The following HNF4G variants were observed in gnomAD, a reference collection of about 807,000 sequenced individuals.
HNF4G encodes the protein hepatocyte nuclear factor 4-gamma.
Under a neutral mutation model 50.9 loss-of-function variants are expected in HNF4G, and 21 were observed. That is an observed-to-expected ratio of 0.41 (90% confidence interval 0.29 to 0.59). The LOEUF (loss-of-function observed/expected upper bound fraction) is 0.59. Among genes scored for constraint, HNF4G ranks in the 20% least tolerant of loss-of-function variants. The pLI is 0.26. For missense variants in HNF4G, 527 were observed against 559.4 expected (o/e 0.94, Z 0.58); for synonymous variants, 198 against 185.6 (o/e 1.07, Z -0.54).
intron 1 of HNF4G, among the ~76,000 whole-genome samples, chr8:75,541,348 A>G (rs1806616378): frequency 6.6e-6 from 1 of 152,176 alleles, no homozygotes; most frequent in Non-Finnish European, 1.5e-5. Context: ...ACTTGAAGCA[A>G]GAGTTGAATT....
At chr8:75,439,000 T>C (rs1442583831) in intron 1 of HNF4G, among the ~76,000 whole-genome samples, 1 of 152,086 alleles carries the variant, frequency 6.6e-6, no homozygotes, top group African/African-American at 2.4e-5. Context: ...TGTAGTTGCA[T>C]AGTACTGCAC....
intron 5 of HNF4G, among the ~76,000 whole-genome samples, chr8:75,555,000 C>T (rs966873335): frequency 1.3e-5 from 2 of 152,140 alleles, no homozygotes; most frequent in African/African-American, 4.8e-5. Context: ...AGGGGTGTTG[C>T]AAGATGAAGT....
Position 75,473,275 on chromosome 8 carries a change from C to T in HNF4G, c.-143-16814C>T, listed in dbSNP as rs74994001. Among the ~76,000 whole-genome samples the T allele has an allele frequency of 8.5e-3, 1,281 of 150,038 alleles. 55 individuals carry two copies. The East Asian group carries it at 0.15, about 18-fold the overall frequency. On this transcript the variant is annotated intron_variant, in intron 1 of 10. Coordinates refer to the HNF4G transcript ENST00000354370. ...TCGCCCCACTGCACTCCAGCCTGGG[C>T]GACAGAGCAAGACTCCGTCTCAAAA...
chr8:75,547,534 G>A, intron 2 of HNF4G, 53 bp from the exon 3 acceptor site: 1 of 1,231,390 alleles, frequency 8.1e-7, no homozygotes. Context: ...CTGTTTATTT[G>A]CTTCTTTTGT....
chr8:75,563,513 T>C (rs1444634222), intron 9 of HNF4G, among the ~76,000 whole-genome samples: 2 of 152,094 alleles, frequency 1.3e-5, no homozygotes, highest in Non-Finnish European at 2.9e-5. Flanking sequence ...TTAACCTTAA[T>C]TTTTTATGTC....
intron 1 of HNF4G, among the ~76,000 whole-genome samples, chr8:75,473,368 T>G (rs1165940270): frequency 3.9e-5 from 6 of 152,296 alleles, no homozygotes; most frequent in African/African-American, 1.4e-4. Flanking sequence ...TAAAATATAT[T>G]TGGACCAATA....
At chr8:75,428,094 T>C (rs192372862) in intron 1 of HNF4G, among the ~76,000 whole-genome samples, 1 of 152,274 alleles carries the variant, frequency 6.6e-6, no homozygotes, top group African/African-American at 2.4e-5. Flanking sequence ...AAACTAGAGG[T>C]ATACTCATCA....
intron 2 of HNF4G, among the ~76,000 whole-genome samples, chr8:75,510,205 A>T (rs1805713371): frequency 6.6e-6 from 1 of 152,222 alleles, no homozygotes; most frequent in African/African-American, 2.4e-5. Context: ...AAAATTAGAA[A>T]TAGAAAATGT....
exon 2 of HNF4G, chr8:75,490,177 C>T (rs1812591085): frequency 6.6e-6 from 1 of 152,598 alleles, no homozygotes; most frequent in South Asian, 2.1e-4. Flanking sequence ...CTCTTCTCTA[C>T]AAATATAGAC....
rs150528697 is a variant in HNF4G at position 75,549,079 on chromosome 8, C to T, written c.382+1398C>T. Reference sequence around the variant, plus strand: ...ACAAAAGTGTAAGCAAATAACAATCCTATGTTTCCTTTATGAGTTTTACAA... The same window carrying T: ...ACAAAAGTGTAAGCAAATAACAATCTTATGTTTCCTTTATGAGTTTTACAA... On this transcript the variant is annotated intron_variant, in intron 3 of 9. Transcript: ENST00000396423. Among the ~76,000 whole-genome samples, 1,013 of 152,170 alleles carry T rather than the reference C, an allele frequency of 6.7e-3. 8 individuals are homozygous for T. Among genetic ancestry groups the T allele is most frequent in the African/African-American group, 0.022 (898 of 41,542 alleles).
chr8:75,534,933 C>T (rs967341560), upstream of HNF4G, among the ~76,000 whole-genome samples: 2 of 151,494 alleles, frequency 1.3e-5, no homozygotes, highest in East Asian at 1.9e-4. Flanking sequence ...TTCAACAAAT[C>T]GAGGACAGGA....
intron 1 of HNF4G, among the ~76,000 whole-genome samples, chr8:75,447,829 T>C (rs1427151305): frequency 2.2e-5 from 2 of 90,564 alleles, no homozygotes; most frequent in Middle Eastern, 5.1e-3. Flanking sequence ...TTTTACACTG[T>C]TGGTGGGACT....
At chr8:75,558,393 T>A (rs572581653) in intron 6 of HNF4G, 125 bp from the exon 7 acceptor site, 29 of 780,032 alleles carry the variant, frequency 3.7e-5, no homozygotes, top group Admixed American at 2.8e-4. Flanking sequence ...AGAGAGGAAG[T>A]ACATCACTAT....
At chr8:75,483,867 T>C (rs973456660) in intron 1 of HNF4G, among the ~76,000 whole-genome samples, 4 of 152,188 alleles carry the variant, frequency 2.6e-5, no homozygotes, top group African/African-American at 4.8e-5. Flanking sequence ...TATCTCTGTA[T>C]TGATATGTCT....
intron 1 of HNF4G, among the ~76,000 whole-genome samples, chr8:75,429,061 C>T (rs1022978740): frequency 2.0e-5 from 3 of 152,050 alleles, no homozygotes; most frequent in African/African-American, 4.8e-5. Flanking sequence ...TAAGGGACTT[C>T]GTAATAATTT....
intron 1 of HNF4G, among the ~76,000 whole-genome samples, chr8:75,449,221 A>AT (rs1160952180): frequency 6.6e-6 from 1 of 152,056 alleles, no homozygotes; most frequent in Non-Finnish European, 1.5e-5. Context: ...CATTGGCAAT[A>AT]TTTTTTTGTA....
chr8:75,444,721 A>G (rs77686230), intron 1 of HNF4G, among the ~76,000 whole-genome samples: 47,180 of 65,314 alleles, frequency 0.72, 17,974 homozygotes, highest in African/African-American at 0.92. Flanking sequence ...TTCAACAAGA[A>G]GAGCTAACTA....
At chr8:75,424,439 G>C (rs1281576501) in intron 1 of HNF4G, among the ~76,000 whole-genome samples, 1 of 151,894 alleles carries the variant, frequency 6.6e-6, no homozygotes, top group South Asian at 2.1e-4. Flanking sequence ...TTGTTACAAG[G>C]GTATATTGGA....
At chr8:75,456,916 A>T (rs1328793581) in intron 1 of HNF4G, among the ~76,000 whole-genome samples, 1 of 151,954 alleles carries the variant, frequency 6.6e-6, no homozygotes, top group Non-Finnish European at 1.5e-5. Context: ...AAATAAAAAA[A>T]AAATTATTTG....
Sources: gnomAD v4.1 joint callset for allele counts (sites outside exome capture counted in the v4.1 genomes callset) on GRCh38, gnomAD v4.1.1 for gene constraint, MANE v1.5 for transcripts, NCBI Gene and HGNC (gene_info 2026-07-23, HGNC 2026-07-21) for gene names.